KCNH5: variants seen among roughly 807,000 people sequenced by gnomAD.
KCNH5 encodes the protein potassium voltage-gated channel subfamily H member 5.
In KCNH5, 46 loss-of-function variants were observed where a neutral mutation model predicts 96.1. The observed-to-expected ratio is 0.48, with a 90% CI of 0.38 to 0.61. The LOEUF is 0.61. KCNH5 is among the 20% of genes least tolerant of loss of function. KCNH5 has a pLI of 0.00. For missense variants in KCNH5, 907 were observed against 1,225.8 expected (o/e 0.74, Z 3.88); for synonymous variants, 439 against 449.8 (o/e 0.98, Z 0.30).
At chr14:62,720,224 A>T (rs1884777466) in intron 10 of KCNH5, among the ~76,000 whole-genome samples, 1 of 152,146 alleles carries the variant, frequency 6.6e-6, no homozygotes, top group Admixed American at 6.5e-5. Flanking sequence ...CCTTTAGTAA[A>T]CAGGAGGAGA....
At chr14:62,867,122 G>C (rs1196539746) in intron 7 of KCNH5, among the ~76,000 whole-genome samples, 1 of 152,150 alleles carries the variant, frequency 6.6e-6, no homozygotes, top group Non-Finnish European at 1.5e-5. Context: ...GAGGATCAGA[G>C]GGCCACACAG....
chr14:63,043,852 T>C (rs1891870876), intron 1 of KCNH5, among the ~76,000 whole-genome samples: 1 of 152,220 alleles, frequency 6.6e-6, no homozygotes, highest in South Asian at 2.1e-4. Flanking sequence ...GAAAGCATTA[T>C]TTATTTAATT....
At chr14:62,953,962 G>C (rs183258216) in intron 6 of KCNH5, among the ~76,000 whole-genome samples, 1 of 152,070 alleles carries the variant, frequency 6.6e-6, no homozygotes, top group South Asian at 2.1e-4. Flanking sequence ...TTACCTATAG[G>C]AATAAATATT....
At chr14:62,961,822 G>A (rs940093179) in intron 6 of KCNH5, among the ~76,000 whole-genome samples, 2 of 151,790 alleles carry the variant, frequency 1.3e-5, no homozygotes, top group Admixed American at 6.6e-5. Flanking sequence ...AGATGGAGAT[G>A]CAGATAGAGA....
intron 10 of KCNH5, among the ~76,000 whole-genome samples, chr14:62,765,308 C>T (rs1176752426): frequency 6.6e-6 from 1 of 152,184 alleles, no homozygotes; most frequent in African/African-American, 2.4e-5. Context: ...GCTAAGATAA[C>T]TCGCTAGCCA....
rs112657929 is a variant in KCNH5 at position 62,813,785 on chromosome 14, T to C, written c.1570-11204A>G. 3.8e-3 allele frequency among the ~76,000 whole-genome samples: 583 copies of C among 152,322 alleles called. 3 individuals carry two copies. The highest frequency in any genetic ancestry group is 0.013 in the African/African-American group (557 of 41,578). ...GTGACATTTGCACATAAAATATTTT[T>C]ACAATCCTTCCTGGGAATGAGGAGC... On this transcript the variant is annotated intron_variant, in intron 8 of 10. Coordinates refer to ENST00000322893, the MANE Select transcript of KCNH5 (RefSeq NM_139318.5).
intron 10 of KCNH5, among the ~76,000 whole-genome samples, chr14:62,768,030 G>A (rs1447939571): frequency 1.3e-5 from 2 of 152,084 alleles, no homozygotes; most frequent in Non-Finnish European, 2.9e-5. Flanking sequence ...CTAGAGTGTG[G>A]CATGATAGAC....
chr14:62,925,618 T>C (rs777861648), intron 7 of KCNH5, among the ~76,000 whole-genome samples: 5 of 152,066 alleles, frequency 3.3e-5, no homozygotes, highest in Non-Finnish European at 7.4e-5. Flanking sequence ...CAACCCCATC[T>C]CAGCACCCCT....
In KCNH5 at chr14:62,701,028, A is replaced by G. The variant is rs1884340129; in HGVS notation, c.*6480T>C. ...ACTCAATCTGGTTTATTGAAGCTTC[A>G]AGGTGAATATTTTGGCTTTGACTGC... On this transcript the variant is annotated 3_prime_UTR_variant, in exon 11 of 11. Coordinates refer to ENST00000322893, the MANE Select transcript of KCNH5 (RefSeq NM_139318.5). 6.6e-6 allele frequency: 1 copy of G among 152,168 alleles called. No homozygotes were observed. The allele number at this position is 152,168 out of a possible 1,614,324, so 9.4% of individuals were successfully genotyped here.
At chr14:62,991,827 T>C (rs1274754521) in intron 4 of KCNH5, among the ~76,000 whole-genome samples, 1 of 152,020 alleles carries the variant, frequency 6.6e-6, no homozygotes, top group Non-Finnish European at 1.5e-5. Context: ...AGAAACATGA[T>C]AGTCTTCTTT....
chr14:62,843,615 T>C (rs1228688878), intron 8 of KCNH5, among the ~76,000 whole-genome samples: 1 of 151,998 alleles, frequency 6.6e-6, no homozygotes, highest in Non-Finnish European at 1.5e-5. Context: ...TTTCACCATG[T>C]TGGCCAGGAT....
At chr14:62,984,528 C>G (rs113280647) in intron 5 of KCNH5, among the ~76,000 whole-genome samples, 9 of 152,208 alleles carry the variant, frequency 5.9e-5, no homozygotes, top group South Asian at 2.1e-4. Context: ...GTTTTGAGTA[C>G]CACTGGAAAA....
rs1399078369 is a variant in KCNH5 at position 63,045,445 on chromosome 14, G to C, written c.-259C>G. 4 of 512,108 alleles carry C rather than the reference G, an allele frequency of 7.8e-6. No individual in the cohort carries two copies. The highest frequency in any genetic ancestry group is 7.1e-6 in the Non-Finnish European group (2 of 283,150). The allele number at this position is 512,108 out of a possible 1,614,324, so 31.7% of individuals were successfully genotyped here. ...CAGACTGTGGCGGTGCCGCACACGGGGCTCGGGAACTGCAGGCTCCGCGGG... is the reference window on the plus strand; with the variant it reads ...CAGACTGTGGCGGTGCCGCACACGGCGCTCGGGAACTGCAGGCTCCGCGGG... On this transcript the variant is annotated 5_prime_UTR_variant, in exon 1 of 11. Coordinates refer to ENST00000322893, the MANE Select transcript of KCNH5 (RefSeq NM_139318.5).
At chr14:62,904,933 C>A (rs1039720778) in intron 7 of KCNH5, among the ~76,000 whole-genome samples, 1 of 152,186 alleles carries the variant, frequency 6.6e-6, no homozygotes, top group Non-Finnish European at 1.5e-5. Context: ...ATGGAACTAA[C>A]CTCGGAGATT....
chr14:62,996,386 A>T (rs913255172), intron 4 of KCNH5, among the ~76,000 whole-genome samples: 1 of 152,196 alleles, frequency 6.6e-6, no homozygotes. Flanking sequence ...AAATAAGCTC[A>T]TCTACAGATT....
chr14:63,038,500 A>C lies in KCNH5; in HGVS notation c.73+6614T>G, dbSNP rs60459392. ...TATTTCTGTAATGGGACCAGACCCA[A>C]AGAGAGAGGGAAATCTATTTTCAAT... On this transcript the variant is annotated intron_variant, in intron 1 of 10. Coordinates refer to ENST00000322893, the MANE Select transcript of KCNH5 (RefSeq NM_139318.5). 1.1e-4 allele frequency among the ~76,000 whole-genome samples: 17 copies of C among 152,264 alleles called. No individual in the cohort carries two copies. The East Asian group carries it at 2.9e-3, about 26-fold the overall frequency.
At chr14:62,848,563 G>A (rs1035264075) in intron 8 of KCNH5, among the ~76,000 whole-genome samples, 10 of 152,018 alleles carry the variant, frequency 6.6e-5, no homozygotes, top group Admixed American at 5.2e-4. Context: ...CAACTCCTAA[G>A]TTCCTCGTCC....
intron 2 of KCNH5, among the ~76,000 whole-genome samples, chr14:63,013,936 T>A (rs1184721063): frequency 6.6e-6 from 1 of 152,028 alleles, no homozygotes; most frequent in African/African-American, 2.4e-5. Context: ...ATAAGGAAGT[T>A]TAAAAGAAGA....
chr14:62,818,780 A>T (rs143802643), intron 8 of KCNH5, among the ~76,000 whole-genome samples: 50 of 152,308 alleles, frequency 3.3e-4, no homozygotes, highest in African/African-American at 9.1e-4. Flanking sequence ...TCTATCAGTC[A>T]TATAATGAAC....
Sources: allele counts gnomAD v4.1 joint callset (sites outside exome capture counted in the v4.1 genomes callset), GRCh38; gene constraint gnomAD v4.1.1; transcripts MANE v1.5; gene names NCBI Gene and HGNC (gene_info 2026-07-23, HGNC 2026-07-21).